Variants in SULT4A1 observed in about 807,000 individuals in gnomAD.
The protein encoded by SULT4A1 is sulfotransferase 4A1.
SULT4A1 carries 11 observed loss-of-function variants against 35.2 expected under a neutral mutation model. That is an observed-to-expected ratio of 0.31 (90% CI 0.20 to 0.52). The LOEUF (loss-of-function observed/expected upper bound fraction) is 0.52. Ranked by LOEUF, SULT4A1 falls within the 20% of genes least tolerant of loss-of-function variation. The pLI, the probability that SULT4A1 is intolerant of heterozygous loss-of-function variation, is 0.97. For synonymous variants in SULT4A1, 152 were observed against 151.8 expected, an observed-to-expected ratio of 1.00 and a Z score of -0.01; for missense variants, 271 against 383.7, an observed-to-expected ratio of 0.71 and a Z score of 2.45.
At chr22:43,849,286 G>T (rs1188796105) in intron 1 of SULT4A1, among the ~76,000 whole-genome samples, 2 of 152,288 alleles carry the variant, frequency 1.3e-5, no homozygotes, top group Non-Finnish European at 2.9e-5. Context: ...GATAGGGACA[G>T]GGGGCAGGGA....
chr22:43,840,569 G>A (rs959874282), intron 2 of SULT4A1, among the ~76,000 whole-genome samples: 4 of 152,158 alleles, frequency 2.6e-5, no homozygotes, highest in Non-Finnish European at 5.9e-5. Context: ...CCGGCTTGGA[G>A]TGGCGTCGGA....
At chr22:43,839,072 T>A (rs2063402074) in intron 3 of SULT4A1, 79 bp from the exon 4 acceptor site, 1 of 1,567,494 alleles carries the variant, frequency 6.4e-7, no homozygotes, top group Admixed American at 1.7e-5. Flanking sequence ...CCAGCCTCCC[T>A]GAACCTGCTG....
chr22:43,851,849 A>C (rs966223577), intron 1 of SULT4A1, among the ~76,000 whole-genome samples: 1 of 152,064 alleles, frequency 6.6e-6, no homozygotes, highest in Non-Finnish European at 1.5e-5. Flanking sequence ...ACACCACCTC[A>C]GCTGCTTCCT....
At chr22:43,831,472 C>A (rs1263106582) in intron 5 of SULT4A1, among the ~76,000 whole-genome samples, 1 of 152,188 alleles carries the variant, frequency 6.6e-6, no homozygotes, top group Non-Finnish European at 1.5e-5. Context: ...TGGGTATGGG[C>A]CCGATAAGCA....
At chr22:43,835,637 T>C (rs1420164318) in intron 4 of SULT4A1, among the ~76,000 whole-genome samples, 1 of 152,020 alleles carries the variant, frequency 6.6e-6, no homozygotes, top group Non-Finnish European at 1.5e-5. Flanking sequence ...CTGCAGCCCA[T>C]CATCGGTAGC....
intron 1 of SULT4A1, among the ~76,000 whole-genome samples, chr22:43,861,582 T>A (rs977179793): frequency 7.9e-5 from 12 of 152,148 alleles, no homozygotes; most frequent in Admixed American, 2.6e-4. Flanking sequence ...CACACAGCTG[T>A]TATTGTGAAA....
chr22:43,859,358 G>C (rs1951948324), intron 1 of SULT4A1, among the ~76,000 whole-genome samples: 1 of 152,238 alleles, frequency 6.6e-6, no homozygotes, highest in Non-Finnish European at 1.5e-5. Flanking sequence ...GCATCAGTGA[G>C]AATGCGCACA....
intron 4 of SULT4A1, among the ~76,000 whole-genome samples, chr22:43,837,297 G>C (rs2063385170): frequency 6.6e-6 from 1 of 152,212 alleles, no homozygotes; most frequent in African/African-American, 2.4e-5. Context: ...TGTGACTGTG[G>C]TGACATGGAG....
Position 43,833,624 on chromosome 22 carries a change from C to T in SULT4A1, c.603+16G>A. 1.3e-6 allele frequency: 2 copies of T among 1,584,256 alleles called. No individual in the cohort carries two copies. Among genetic ancestry groups the T allele is most frequent in the South Asian group, 2.3e-5 (2 of 87,142 alleles). ...GGCCAGGGCACCCGGAGGACAGCTG[C>T]TCCGGCAGCACTCACCCGATGCATG... On this transcript the variant is annotated intron_variant, in intron 5 of 6. Transcript: ENST00000330884.
intron 6 of SULT4A1, chr22:43,827,060 G>T (rs1218671118): frequency 2.0e-6 from 2 of 985,354 alleles, no homozygotes; most frequent in Non-Finnish European, 2.4e-6. Context: ...TAGTCCAATA[G>T]CAACGGTGAC....
chr22:43,861,194 T>G (rs1261043616), intron 1 of SULT4A1, among the ~76,000 whole-genome samples: 2 of 152,136 alleles, frequency 1.3e-5, no homozygotes, highest in South Asian at 4.1e-4. Flanking sequence ...CAGAAGAATG[T>G]CAGAGACCTG....
At chr22:43,856,155 T>C (rs530465167) in intron 1 of SULT4A1, among the ~76,000 whole-genome samples, 2 of 152,312 alleles carry the variant, frequency 1.3e-5, no homozygotes, top group East Asian at 3.9e-4. Flanking sequence ...CTCAGTATCA[T>C]GGCTGTAGGA....
At chr22:43,827,708 A>C in intron 6 of SULT4A1, 1 of 1,248,770 alleles carries the variant, frequency 8.0e-7, no homozygotes, top group East Asian at 4.8e-5. Flanking sequence ...AAGCAAACCC[A>C]AGGGAAGGAG....
chr22:43,860,350 C>G (rs2049451861), intron 1 of SULT4A1, among the ~76,000 whole-genome samples: 1 of 152,182 alleles, frequency 6.6e-6, no homozygotes. Flanking sequence ...CAGCCCCTAG[C>G]AAAGCATCTG....
chr22:43,839,530 G>A (rs2063407469), intron 3 of SULT4A1, among the ~76,000 whole-genome samples: 10 of 152,182 alleles, frequency 6.6e-5, no homozygotes, highest in Admixed American at 5.9e-4. Context: ...GGAGGCAGAG[G>A]TTGCAGTGAG....
At chr22:43,833,326 G>A (rs926290712) in intron 5 of SULT4A1, among the ~76,000 whole-genome samples, 2 of 151,908 alleles carry the variant, frequency 1.3e-5, no homozygotes, top group Admixed American at 6.6e-5. Context: ...TCTCCTCAAC[G>A]TCCCATCAAC....
chr22:43,854,112 T>C (rs1427990891), intron 1 of SULT4A1, among the ~76,000 whole-genome samples: 3 of 152,116 alleles, frequency 2.0e-5, no homozygotes, highest in East Asian at 3.9e-4. Context: ...ATGACATCAG[T>C]AGTGGTGATG....
chr22:43,837,825 G>A (rs1012746312), intron 4 of SULT4A1, among the ~76,000 whole-genome samples: 4 of 152,298 alleles, frequency 2.6e-5, no homozygotes, highest in African/African-American at 9.6e-5. Context: ...TACGTTCCAG[G>A]ATCTCTGCTA....
chr22:43,841,672 C>T, intron 2 of SULT4A1, 130 bp downstream of exon 2: 1 of 1,406,422 alleles, frequency 7.1e-7, no homozygotes, highest in Admixed American at 2.1e-5. Context: ...CCAGCTTCTC[C>T]CCTGGCTATC....
Sources: allele counts gnomAD v4.1 joint callset (sites outside exome capture counted in the v4.1 genomes callset), GRCh38; gene constraint gnomAD v4.1.1; transcripts MANE v1.5; gene names NCBI Gene and HGNC (gene_info 2026-07-23, HGNC 2026-07-21).